The following ATRIP variants were observed in gnomAD, a reference collection of about 807,000 sequenced individuals.
ATRIP encodes the protein ATR interacting protein, also known as ATR-interacting protein.
In ATRIP, 44 loss-of-function variants were observed where a neutral mutation model predicts 78.1. That is an observed-to-expected ratio of 0.56 (90% CI 0.44 to 0.72). ATRIP has a LOEUF of 0.72. ATRIP is among the 30% of genes least tolerant of loss of function. The pLI is 0.00. For missense variants in ATRIP, 927 were observed against 980.2 expected (o/e 0.95, Z 0.72); for synonymous variants, 388 against 408.9 (o/e 0.95, Z 0.62).
intron 8 of ATRIP, among the ~76,000 whole-genome samples, chr3:48,462,167 ATTTT>A (rs567575791): frequency 4.1e-5 from 6 of 146,850 alleles, no homozygotes; most frequent in African/African-American, 1.5e-4. Flanking sequence ...CAGCTCTACA[ATTTT>A]TTTTTTTTTA....
At chr3:48,453,272 T>A (rs2039878304) in intron 3 of ATRIP, among the ~76,000 whole-genome samples, 1 of 152,212 alleles carries the variant, frequency 6.6e-6, no homozygotes, top group Non-Finnish European at 1.5e-5. Flanking sequence ...CACCTCCTCA[T>A]GCTTCAATCT....
At position 48,466,443 on chromosome 3, in the gene ATRIP, G is replaced by T. The variant is rs753559522; in HGVS notation, c.*889G>T. On this transcript the variant is annotated 3_prime_UTR_variant, in exon 13 of 13. Transcript: ENST00000320211. ...ACCCTCTCAGACAGTCGAATGTGCT[G>T]GTCCCACTAAGGAAACCACCTCACC... The T allele has an allele frequency of 6.2e-7, 1 of 1,612,886 alleles. No individual in the cohort carries two copies. Among genetic ancestry groups the T allele is most frequent in the Non-Finnish European group, 8.5e-7 (1 of 1,179,678 alleles).
chr3:48,464,206 C>T (rs530980235), intron 10 of ATRIP, 74 bp downstream of exon 10: 22 of 1,297,758 alleles, frequency 1.7e-5, no homozygotes, highest in Admixed American at 5.4e-5. Context: ...CCTTTCTTTC[C>T]GCTGAGGAGA....
rs773927064 is a variant in ATRIP, at chr3:48,466,827, C to T, written c.*1273C>T. ...CTCTCAGGGGCCACCTCCCACAGTT[C>T]CTCCACCACCGCGTGTGGTAGACAA... On this transcript the variant is annotated 3_prime_UTR_variant, in exon 13 of 13. Transcript: ENST00000320211. 1.9e-6 allele frequency: 3 copies of T among 1,614,026 alleles called. No individual in the cohort carries two copies. Among genetic ancestry groups the T allele is most frequent in the Non-Finnish European group, 2.5e-6 (3 of 1,180,048 alleles).
rs1305373247 is a variant in ATRIP, at chr3:48,460,262, G to A, written c.1208G>A (p.Gly403Glu). The change falls in exon 8 of 13, where the codon GGA (glycine) becomes GAA (glutamate). Residue 403 changes from glycine to glutamate, a missense_variant. Coordinates refer to ENST00000320211, the MANE Select transcript of ATRIP (RefSeq NM_130384.3). ...ECSRDGDPAEGGRRAFPLCQL... is the reference protein window; with the variant it reads ...ECSRDGDPAEEGRRAFPLCQL... ...TCACGTGATGGAGACCCAGCAGAGG[G>A]AGGCAGAAGGGCCTTCCCACTCTGC... 1.2e-6 allele frequency: 2 copies of A among 1,614,120 alleles called. No individual in the cohort carries two copies. Among genetic ancestry groups the A allele is most frequent in the Non-Finnish European group, 1.7e-6 (2 of 1,180,026 alleles).
intron 5 of ATRIP, 64 bp from the exon 6 acceptor site, chr3:48,459,294 TA>T: frequency 7.3e-7 from 1 of 1,372,518 alleles, no homozygotes; most frequent in Non-Finnish European, 1.0e-6. Flanking sequence ...TCATTGCATG[TA>T]AAAGTTTCTA....
chr3:48,452,784 C>G (rs1251685245), intron 3 of ATRIP, among the ~76,000 whole-genome samples: 2 of 152,000 alleles, frequency 1.3e-5, no homozygotes, highest in South Asian at 4.2e-4. Flanking sequence ...CTGTCCCTGG[C>G]CAATTGCTAT....
At chr3:48,457,142 C>T (rs2039973603) in intron 4 of ATRIP, 117 bp from the exon 5 acceptor site, 1 of 926,316 alleles carries the variant, frequency 1.1e-6, no homozygotes, top group African/African-American at 1.7e-5. Context: ...TAGATAAAAC[C>T]TTTGGTTAAA....
chr3:48,458,327 T>G (rs1351552390), intron 5 of ATRIP, among the ~76,000 whole-genome samples: 2 of 151,574 alleles, frequency 1.3e-5, no homozygotes, highest in Non-Finnish European at 2.9e-5. Flanking sequence ...TTTCTTGTTT[T>G]TTTTTTTTTT....
At chr3:48,462,442 G>A (rs1234990574) in intron 8 of ATRIP, among the ~76,000 whole-genome samples, 1 of 152,142 alleles carries the variant, frequency 6.6e-6, no homozygotes, top group Non-Finnish European at 1.5e-5. Context: ...GGTGGCTCAC[G>A]CCTGTAATCC....
intron 2 of ATRIP, 110 bp downstream of exon 2, chr3:48,450,280 C>G: frequency 7.4e-7 from 1 of 1,349,260 alleles, no homozygotes; most frequent in East Asian, 2.4e-5. Context: ...AGATTCATCC[C>G]TATGACATGG....
Position 48,465,096 on chromosome 3 carries a change from G to A in ATRIP, c.2308+13G>A, listed in dbSNP as rs1362953368. On this transcript the variant is annotated intron_variant, in intron 12 of 12. Transcript: ENST00000320211. ...ACGGACTGTGAAGGTAAGCCTGCCA[G>A]AGGCCATCCTGCCCAGCCCCCATGG... is the stretch of plus-strand genomic sequence containing the variant. 1 of 1,599,764 alleles carries A rather than the reference G, an allele frequency of 6.3e-7. No homozygotes were observed. Among genetic ancestry groups the A allele is most frequent in the East Asian group, 2.2e-5 (1 of 44,558 alleles).
At chr3:48,448,426 C>T (rs1293780892) in intron 1 of ATRIP, among the ~76,000 whole-genome samples, 2 of 152,202 alleles carry the variant, frequency 1.3e-5, no homozygotes, top group Admixed American at 6.5e-5. Flanking sequence ...GTGATCCACC[C>T]GCCTTGGTCT....
chr3:48,446,776 T>G lies in ATRIP; in HGVS notation c.-70T>G. On this transcript the variant is annotated 5_prime_UTR_variant, in exon 1 of 13. Coordinates refer to ENST00000320211, the MANE Select transcript of ATRIP (RefSeq NM_130384.3). The stretch of plus-strand genomic sequence containing the variant: ...CAAGCGGCGGCGCGCGGACGGTTGG[T>G]CCAGTTCTCCGGCCTGGCGGCAGGC... 1 of 1,348,542 alleles carries G rather than the reference T, an allele frequency of 7.4e-7. No individual in the cohort carries two copies. Among genetic ancestry groups the G allele is most frequent in the Non-Finnish European group, 9.5e-7 (1 of 1,048,782 alleles). 83.5% of individuals were successfully genotyped at this position (1,348,542 alleles called of 1,614,324 possible). A position where few individuals can be genotyped will look rare whatever the true frequency, so the allele number is the denominator to read the frequency against.
rs368911609 is a variant in ATRIP, at chr3:48,450,105, G to A, written c.316G>A (p.Val106Ile). The A allele has an allele frequency of 6.2e-6, 10 of 1,613,372 alleles. No homozygotes were observed. The highest frequency in any genetic ancestry group is 7.6e-6 in the Non-Finnish European group (9 of 1,179,524). The change falls in exon 2 of 13, where the codon GTT becomes ATT. Residue 106 changes from valine to isoleucine, a missense_variant. Physicochemically the swap from Val to Ile is conservative, Grantham distance 29. Coordinates refer to ENST00000320211, the MANE Select transcript of ATRIP (RefSeq NM_130384.3). Reference protein sequence around the residue: ...KNPSGKNRETVPIKDNFELEV... With the variant: ...KNPSGKNRETIPIKDNFELEV... ...TCCTTCAGGGAAAAACAGAGAAACTGTTCCAATTAAAGATAATTTCGAATT... is the reference window on the plus strand; with the variant it reads ...TCCTTCAGGGAAAAACAGAGAAACTATTCCAATTAAAGATAATTTCGAATT...
rs1248866822 is a variant in ATRIP, at chr3:48,463,641, C to G, written c.1746-104C>G. 13 of 1,479,276 alleles carry G rather than the reference C, an allele frequency of 8.8e-6. No individual in the cohort carries two copies. In the Admixed American group the frequency reaches 1.4e-4, roughly 16 times the overall value. 91.6% of individuals were successfully genotyped at this position (1,479,276 alleles called of 1,614,324 possible). A position where few individuals can be genotyped will look rare whatever the true frequency, so the allele number is the denominator to read the frequency against. Reference sequence around the variant, plus strand: ...GTCTGGCTGAACCAACTCACCTGTTCATACTGACTTGCTCAATTTTCTGTT... The same window carrying G: ...GTCTGGCTGAACCAACTCACCTGTTGATACTGACTTGCTCAATTTTCTGTT... On this transcript the variant is annotated intron_variant, in intron 8 of 12. Transcript: ENST00000320211.
At position 48,465,600 on chromosome 3, in the gene ATRIP, C is replaced by A. The variant is rs755752189; in HGVS notation, c.*46C>A. On this transcript the variant is annotated 3_prime_UTR_variant, in exon 13 of 13. Coordinates refer to ENST00000320211, the MANE Select transcript of ATRIP (RefSeq NM_130384.3). ...ATGGTGGCACCAGCACCACTCCTTT[C>A]CTTACCACATCAACTGATTAAAGCA... 1.3e-6 allele frequency: 2 copies of A among 1,535,826 alleles called. No homozygotes were observed. Among genetic ancestry groups the A allele is most frequent in the Non-Finnish European group, 1.8e-6 (2 of 1,109,318 alleles).
Position 48,463,839 on chromosome 3 carries a change from G to A in ATRIP, c.1840G>A (p.Ala614Thr). The A allele has an allele frequency of 6.2e-7, 1 of 1,614,136 alleles. No homozygotes were observed. The highest frequency in any genetic ancestry group is 8.5e-7 in the Non-Finnish European group (1 of 1,180,026). ...GGCTGTTGAGCTCCTCTCCCTGCTG[G>A]CGGACCACGACCAGCTGGCACCTCA... is the stretch of plus-strand genomic sequence containing the variant. The part of the protein sequence containing the change: ...LLAVELLSLL[A>T]DHDQLAPQLC... Residue 614 changes from alanine (A) to threonine (T), a missense_variant, in exon 9 of 13, where the codon GCG becomes ACG. Transcript: ENST00000320211.
In ATRIP at chr3:48,454,312, C is replaced by T; in HGVS notation, c.565C>T (p.Gln189Ter). 1 of 1,607,782 alleles carries T rather than the reference C, an allele frequency of 6.2e-7. No homozygotes were observed. The highest frequency in any genetic ancestry group is 8.5e-7 in the Non-Finnish European group (1 of 1,174,532). The part of the protein sequence containing the change: ...KEFSKKLQSL[Q>*]SELQFKDAEM... ...TTTTGCCTTCCAGCTCCAATCATTG[C>T]AGTCTGAACTCCAGTTTAAAGATGC... is the stretch of plus-strand genomic sequence containing the variant. Residue 189 changes from glutamine (Q) to a stop codon, truncating the protein, a stop_gained, in exon 4 of 13, where the codon CAG becomes TAG. Transcript: ENST00000320211. LOFTEE classifies it high-confidence loss of function.
Sources: gnomAD v4.1 joint callset for allele counts (sites outside exome capture counted in the v4.1 genomes callset) on GRCh38, gnomAD v4.1.1 for gene constraint, MANE v1.5 for transcripts, NCBI Gene and HGNC (gene_info 2026-07-23, HGNC 2026-07-21) for gene names.